Variants in MAPK8 observed in about 807,000 individuals in gnomAD.
MAPK8 encodes the protein mitogen-activated protein kinase 8, also known as JUN N-terminal kinase.
MAPK8 carries 13 observed loss-of-function variants against 52.9 expected under a neutral mutation model. That is an observed-to-expected ratio of 0.25 (90% CI 0.16 to 0.39). The LOEUF is 0.39. MAPK8 is among the 10% of genes least tolerant of loss of function. MAPK8 has a pLI of 1.00. For synonymous variants in MAPK8, 191 were observed against 169.8 expected (o/e 1.12, Z -0.97); for missense variants, 300 against 519.2 (o/e 0.58, Z 4.10).
At chr10:48,348,412 T>C (rs1845993095) in intron 1 of MAPK8, among the ~76,000 whole-genome samples, 1 of 152,230 alleles carries the variant, frequency 6.6e-6, no homozygotes, top group African/African-American at 2.4e-5. Flanking sequence ...TTTGTCAATT[T>C]TGGTTTTTGT....
At chr10:48,383,041 A>C (rs1301299420) in intron 1 of MAPK8, among the ~76,000 whole-genome samples, 1 of 151,596 alleles carries the variant, frequency 6.6e-6, no homozygotes, top group Non-Finnish European at 1.5e-5. Flanking sequence ...AATATTTTCA[A>C]GTTTCTTAAC....
chr10:48,384,423 A>G (rs1035190983), intron 1 of MAPK8, among the ~76,000 whole-genome samples: 4 of 152,380 alleles, frequency 2.6e-5, no homozygotes, highest in South Asian at 2.1e-4. Context: ...TAAATAGCCA[A>G]CTAAATGACA....
chr10:48,426,987 A>G (rs866427508), intron 9 of MAPK8, 93 bp from the exon 10 acceptor site: 1 of 857,582 alleles, frequency 1.2e-6, no homozygotes, highest in South Asian at 1.4e-5. Context: ...ATATATTTTT[A>G]TAAGTCATCT....
intron 1 of MAPK8, among the ~76,000 whole-genome samples, chr10:48,354,285 G>C (rs1564521561): frequency 1.3e-5 from 2 of 152,166 alleles, no homozygotes; most frequent in Non-Finnish European, 2.9e-5. Flanking sequence ...ACTGGTTTTT[G>C]CCCAGGGGGC....
chr10:48,386,755 A>G (rs182078745), intron 1 of MAPK8, among the ~76,000 whole-genome samples: 1 of 152,288 alleles, frequency 6.6e-6, no homozygotes, highest in East Asian at 1.9e-4. Flanking sequence ...CTTGAGACCA[A>G]GGAGTTCAAG....
intron 1 of MAPK8, among the ~76,000 whole-genome samples, chr10:48,366,878 T>TAA: frequency 6.8e-6 from 1 of 147,414 alleles, no homozygotes; most frequent in South Asian, 2.1e-4. Context: ...AGCTGGCTTT[T>TAA]AAAAAAAAAA....
chr10:48,314,697 A>G lies in MAPK8; in HGVS notation c.-50+7876A>G, dbSNP rs543815451. ...TTCTTATTACCCTTAGACGTCTTTC[A>G]TCTTTTAAGGGCTGTTTGTGTTTTC... On this transcript the variant is annotated intron_variant, in intron 1 of 11. Transcript: ENST00000374189. Among the ~76,000 whole-genome samples the G allele has an allele frequency of 2.6e-5, 4 of 152,206 alleles. No individual in the cohort carries two copies. The East Asian group carries it at 7.7e-4, about 29-fold the overall frequency.
intron 1 of MAPK8, among the ~76,000 whole-genome samples, chr10:48,373,572 A>C (rs1345639469): frequency 4.7e-5 from 2 of 42,428 alleles, no homozygotes; most frequent in African/African-American, 1.9e-4. Context: ...AATTGAAAGC[A>C]AAAAAAAAAA....
intron 1 of MAPK8, among the ~76,000 whole-genome samples, chr10:48,389,993 T>C (rs531224984): frequency 6.6e-6 from 1 of 152,236 alleles, no homozygotes; most frequent in African/African-American, 2.4e-5. Flanking sequence ...CTGAAGACCC[T>C]GGATAGCTGA....
At chr10:48,420,827 A>G (rs1019230261) in intron 6 of MAPK8, among the ~76,000 whole-genome samples, 1 of 152,234 alleles carries the variant, frequency 6.6e-6, no homozygotes, top group African/African-American at 2.4e-5. Context: ...AAGTTTCATT[A>G]AAACGTTGTA....
chr10:48,359,312 T>C (rs1466955235), intron 1 of MAPK8, among the ~76,000 whole-genome samples: 1 of 152,192 alleles, frequency 6.6e-6, no homozygotes, highest in Admixed American at 6.5e-5. Flanking sequence ...TAAATTAATT[T>C]ATCTCAGTTT....
At chr10:48,388,911 C>A (rs2041471865) in intron 1 of MAPK8, among the ~76,000 whole-genome samples, 1 of 152,000 alleles carries the variant, frequency 6.6e-6, no homozygotes, top group African/African-American at 2.4e-5. Context: ...AGTAGGCAGT[C>A]TCCTAAGGAA....
intron 1 of MAPK8, among the ~76,000 whole-genome samples, chr10:48,384,837 A>G (rs886625705): frequency 2.0e-5 from 3 of 152,236 alleles, no homozygotes; most frequent in Non-Finnish European, 4.4e-5. Flanking sequence ...TCACAGTGCC[A>G]GAAATGTCAA....
At chr10:48,404,005 G>A (rs1444840547) in intron 2 of MAPK8, among the ~76,000 whole-genome samples, 2 of 147,402 alleles carry the variant, frequency 1.4e-5, no homozygotes, top group Admixed American at 6.8e-5. Context: ...GGATGGTCTC[G>A]ATCTCCTGAT....
chr10:48,358,876 CTCTTG>C (rs1847250065), intron 1 of MAPK8, among the ~76,000 whole-genome samples: 1 of 152,146 alleles, frequency 6.6e-6, no homozygotes, highest in Non-Finnish European at 1.5e-5. Context: ...TGTTCTTTCC[CTCTTG>C]TCTTGACACC....
chr10:48,370,957 G>A (rs1315383865), intron 1 of MAPK8, among the ~76,000 whole-genome samples: 1 of 152,076 alleles, frequency 6.6e-6, no homozygotes, highest in East Asian at 1.9e-4. Flanking sequence ...GTAAGAAATA[G>A]AGAAAAGATG....
At chr10:48,408,948 G>A (rs562360076) in intron 3 of MAPK8, among the ~76,000 whole-genome samples, 5 of 152,172 alleles carry the variant, frequency 3.3e-5, no homozygotes, top group South Asian at 4.2e-4. Context: ...TGCTCTTTTC[G>A]TCTTCCCTTG....
chr10:48,396,654 C>G (rs890228337), intron 1 of MAPK8, among the ~76,000 whole-genome samples: 1 of 152,176 alleles, frequency 6.6e-6, no homozygotes, highest in Non-Finnish European at 1.5e-5. Context: ...ACAGCTTTGT[C>G]ATAGCCAGCA....
chr10:48,368,200 A>C (rs578219205), intron 1 of MAPK8, among the ~76,000 whole-genome samples: 1 of 152,240 alleles, frequency 6.6e-6, no homozygotes, highest in Non-Finnish European at 1.5e-5. Context: ...AATTCTGGGA[A>C]TCCAACTGTG....
Sources: gnomAD v4.1 joint callset for allele counts (sites outside exome capture counted in the v4.1 genomes callset) on GRCh38, gnomAD v4.1.1 for gene constraint, MANE v1.5 for transcripts, NCBI Gene and HGNC (gene_info 2026-07-23, HGNC 2026-07-21) for gene names.